RALY: variants seen among roughly 807,000 people sequenced by gnomAD.
RALY encodes RNA-binding protein Raly.
RALY carries 15 observed loss-of-function variants against 30.7 expected under a neutral mutation model. The observed-to-expected ratio is 0.49, with a 90% CI of 0.33 to 0.75. RALY has a LOEUF of 0.75. Ranked by LOEUF, RALY falls within the 30% of genes least tolerant of loss-of-function variation. RALY has a pLI of 0.02. For synonymous variants in RALY, 177 were observed against 170.8 expected, an observed-to-expected ratio of 1.04 and a Z score of -0.28; for missense variants, 339 against 414.3, an observed-to-expected ratio of 0.82 and a Z score of 1.58.
intron 2 of RALY, among the ~76,000 whole-genome samples, chr20:34,057,666 CAAAAA>C (rs548450019): frequency 1.5e-5 from 1 of 67,368 alleles, no homozygotes; most frequent in Non-Finnish European, 2.9e-5. Context: ...GACTCCGTCT[CAAAAA>C]AAAAAAAAAA....
At position 34,076,751 on chromosome 20, in the gene RALY, G is replaced by A; in HGVS notation, c.594G>A (p.Lys198=). The A allele has an allele frequency of 6.2e-7, 1 of 1,614,176 alleles. No individual in the cohort carries two copies. Among genetic ancestry groups the A allele is most frequent in the Non-Finnish European group, 8.5e-7 (1 of 1,180,036 alleles). Residue 198 remains lysine, a synonymous_variant, in exon 7 of 10, where the codon AAG becomes AAA. Coordinates refer to ENST00000246194, the MANE Select transcript of RALY (RefSeq NM_016732.3). ...QAIKTELTQI[K]SNIDALLSRL... Reference sequence around the variant, plus strand: ...TCAAGACGGAGCTGACACAGATCAAGTCCAATATCGATGCCCTGCTGAGCC... The same window carrying A: ...TCAAGACGGAGCTGACACAGATCAAATCCAATATCGATGCCCTGCTGAGCC...
chr20:34,048,418 A>C (rs953667076), intron 2 of RALY, among the ~76,000 whole-genome samples: 5 of 152,132 alleles, frequency 3.3e-5, no homozygotes, highest in Non-Finnish European at 5.9e-5. Context: ...TGCTTTTAAC[A>C]ATGGAGGGAC....
chr20:34,073,520 C>T (rs376850206), intron 3 of RALY, 43 bp from the exon 4 acceptor site: 3 of 1,512,956 alleles, frequency 2.0e-6, no homozygotes, highest in African/African-American at 2.8e-5. Flanking sequence ...TGTGGGCACA[C>T]TGTCATGTTA....
At chr20:34,035,760 G>C (rs1356088009) in intron 2 of RALY, among the ~76,000 whole-genome samples, 1 of 152,158 alleles carries the variant, frequency 6.6e-6, no homozygotes, top group Non-Finnish European at 1.5e-5. Flanking sequence ...TTTTCTCTCT[G>C]TAGTTTACGT....
intron 1 of RALY, among the ~76,000 whole-genome samples, chr20:34,008,026 T>A (rs2031240610): frequency 6.6e-6 from 1 of 152,120 alleles, no homozygotes; most frequent in Non-Finnish European, 1.5e-5. Flanking sequence ...ATCCTTAATC[T>A]CCCTTAAGAG....
intron 1 of RALY, among the ~76,000 whole-genome samples, chr20:34,002,068 C>T (rs760601488): frequency 2.0e-5 from 3 of 152,160 alleles, no homozygotes; most frequent in Non-Finnish European, 2.9e-5. Flanking sequence ...CGCCTGACCA[C>T]GTCGTTTCCT....
chr20:34,019,293 C>G (rs1003804068), intron 1 of RALY, among the ~76,000 whole-genome samples: 1 of 151,896 alleles, frequency 6.6e-6, no homozygotes, highest in African/African-American at 2.4e-5. Flanking sequence ...GCATCTTGCA[C>G]TCCAGCCTGG....
chr20:34,039,494 G>C (rs565496854), intron 2 of RALY, among the ~76,000 whole-genome samples: 85 of 152,326 alleles, frequency 5.6e-4, no homozygotes, highest in Non-Finnish European at 7.5e-4. Flanking sequence ...AGGGCTTTCT[G>C]AAATTTCATT....
chr20:34,036,941 T>C (rs1038766146), intron 2 of RALY, among the ~76,000 whole-genome samples: 1 of 152,200 alleles, frequency 6.6e-6, no homozygotes, highest in African/African-American at 2.4e-5. Flanking sequence ...TTTTCTGTTT[T>C]ATTTATTTTG....
chr20:34,067,816 CTTTTTT>C (rs11480087), intron 2 of RALY, among the ~76,000 whole-genome samples: 7 of 132,698 alleles, frequency 5.3e-5, no homozygotes, highest in African/African-American at 1.7e-4. Flanking sequence ...TTTCTTTTTT[CTTTTTT>C]TTTTTTTTTT....
In RALY at chr20:34,083,729, C is replaced by T. The variant is rs1488798371; in HGVS notation, c.*3824C>T. On this transcript the variant is annotated 3_prime_UTR_variant, in exon 10 of 10. Transcript: ENST00000246194. Reference sequence around the variant, plus strand: ...AGCGTCAGGTATTTGCCATCCCTGGCCAGGTTGACCCGTAAGGTCATAACC... The same window carrying T: ...AGCGTCAGGTATTTGCCATCCCTGGTCAGGTTGACCCGTAAGGTCATAACC... The T allele has an allele frequency of 6.6e-6, 1 of 152,214 alleles. No individual in the cohort carries two copies. Among genetic ancestry groups the T allele is most frequent in the Non-Finnish European group, 1.5e-5 (1 of 68,062 alleles). 9.4% of individuals were successfully genotyped at this position (152,214 alleles called of 1,614,324 possible). A position where few individuals can be genotyped will look rare whatever the true frequency, so the allele number is the denominator to read the frequency against.
At chr20:33,999,638 C>T (rs1014126332) in intron 1 of RALY, among the ~76,000 whole-genome samples, 2 of 152,200 alleles carry the variant, frequency 1.3e-5, no homozygotes, top group Admixed American at 1.3e-4. Flanking sequence ...TGCTTACTCT[C>T]TGCTAGGCAC....
At chr20:34,066,439 A>T (rs990407963) in intron 2 of RALY, among the ~76,000 whole-genome samples, 24 of 152,186 alleles carry the variant, frequency 1.6e-4, no homozygotes, top group African/African-American at 5.8e-4. Context: ...AGATCGTGCC[A>T]TTGTACTCCA....
rs777596368 is a variant in RALY at position 34,075,922 on chromosome 20, G to GGTCCCT, written c.429_434dup (p.Pro144_Val145dup). ...TGTCGCCCGTGCCAGTGCCCAGGGC[G>GGTCCCT]GTCCCTGTGAAGCGACCCCGGGTCA... On this transcript the variant is annotated inframe_insertion, in exon 6 of 10. Transcript: ENST00000246194. The GGTCCCT allele has an allele frequency of 6.2e-7, 1 of 1,614,094 alleles. No individual in the cohort carries two copies.
intron 2 of RALY, among the ~76,000 whole-genome samples, chr20:34,032,259 G>A (rs755206126): frequency 2.0e-5 from 3 of 152,130 alleles, no homozygotes; most frequent in African/African-American, 2.4e-5. Context: ...CACCGCGCCC[G>A]GCCCCGTAGA....
chr20:34,026,496 G>A (rs568192359), intron 1 of RALY, among the ~76,000 whole-genome samples: 5 of 151,494 alleles, frequency 3.3e-5, no homozygotes, highest in Admixed American at 6.6e-5. Context: ...TCCGCCTCCC[G>A]GGTTCACGCC....
chr20:34,075,767 C>A, intron 5 of RALY, 107 bp from the exon 6 acceptor site: 1 of 1,269,418 alleles, frequency 7.9e-7, no homozygotes, highest in Non-Finnish European at 1.1e-6. Context: ...GTGTGTAGTG[C>A]AGGCCTCCCA....
intron 1 of RALY, among the ~76,000 whole-genome samples, chr20:34,028,882 A>T (rs1394579422): frequency 6.6e-6 from 1 of 152,132 alleles, no homozygotes; most frequent in Non-Finnish European, 1.5e-5. Context: ...GAGAGCTGGA[A>T]AGCCCACGGT....
At chr20:34,065,592 T>C (rs1203649433) in intron 2 of RALY, among the ~76,000 whole-genome samples, 1 of 152,218 alleles carries the variant, frequency 6.6e-6, no homozygotes, top group Non-Finnish European at 1.5e-5. Context: ...TTGGCCAGTT[T>C]AATGAGATTA....
Sources: gnomAD v4.1 joint callset for allele counts (sites outside exome capture counted in the v4.1 genomes callset) on GRCh38, gnomAD v4.1.1 for gene constraint, MANE v1.5 for transcripts, NCBI Gene and HGNC (gene_info 2026-07-23, HGNC 2026-07-21) for gene names.